Variants in DNAH5 observed in about 807,000 individuals in gnomAD.
The protein encoded by DNAH5 is dynein axonemal heavy chain 5.
DNAH5 carries 372 observed loss-of-function variants against 518.2 expected under a neutral mutation model. The observed-to-expected ratio is 0.72, with a 90% CI of 0.66 to 0.78. DNAH5 has a LOEUF of 0.78. Ranked by LOEUF, DNAH5 falls within the 30% of genes least tolerant of loss-of-function variation. The pLI is 0.00. For synonymous variants in DNAH5, 2,039 were observed against 2,025.9 expected (o/e 1.01, Z -0.17); for missense variants, 5,523 against 5,687.0 (o/e 0.97, Z 0.93).
chr5:13,728,565 G>C (rs898857837), intron 69 of DNAH5, among the ~76,000 whole-genome samples: 2 of 152,118 alleles, frequency 1.3e-5, no homozygotes, highest in South Asian at 4.1e-4. Context: ...AAGGCCACTG[G>C]GGGTAATCCT....
intron 46 of DNAH5, 42 bp downstream of exon 46, chr5:13,809,002 C>G: frequency 6.2e-7 from 1 of 1,606,816 alleles, no homozygotes; most frequent in Non-Finnish European, 8.5e-7. Flanking sequence ...TTCATGTCTC[C>G]CCTTAAAATA....
At chr5:13,951,682 C>T (rs1421967302) in intron 1 of DNAH5, among the ~76,000 whole-genome samples, 1 of 152,150 alleles carries the variant, frequency 6.6e-6, no homozygotes, top group Non-Finnish European at 1.5e-5. Flanking sequence ...AGCCTGCACC[C>T]TCCTGTGCTT....
At chr5:14,008,964 G>T (rs1784924151) in intron 1 of DNAH5, among the ~76,000 whole-genome samples, 1 of 152,214 alleles carries the variant, frequency 6.6e-6, no homozygotes, top group African/African-American at 2.4e-5. Flanking sequence ...GCAAGGACAG[G>T]ACAAACTGAT....
chr5:13,978,419 G>C (rs1782433147), intron 1 of DNAH5, among the ~76,000 whole-genome samples: 1 of 152,228 alleles, frequency 6.6e-6, no homozygotes, highest in Admixed American at 6.5e-5. Flanking sequence ...CCATGGAAGA[G>C]AGAATTCCAC....
intron 24 of DNAH5, 70 bp from the exon 25 acceptor site, chr5:13,868,062 AATG>A (rs1769545202): frequency 7.1e-6 from 8 of 1,128,220 alleles, no homozygotes; most frequent in Non-Finnish European, 1.1e-5. Context: ...CCATTTATTA[AATG>A]ATAAGAATGG....
intron 51 of DNAH5, among the ~76,000 whole-genome samples, chr5:13,787,344 G>A (rs150087972): frequency 2.9e-4 from 44 of 152,278 alleles, no homozygotes; most frequent in African/African-American, 1.0e-3. Flanking sequence ...CACTGGGTAC[G>A]AGAAGAATGA....
intron 1 of DNAH5, among the ~76,000 whole-genome samples, chr5:13,984,836 T>C (rs56759328): frequency 0.046 from 6,953 of 152,282 alleles, 315 homozygotes; most frequent in East Asian, 0.12. Flanking sequence ...GGTGGGACTG[T>C]AAACTAGTTC....
At chr5:13,706,353 T>C (rs1013196327) in intron 76 of DNAH5, among the ~76,000 whole-genome samples, 2 of 152,200 alleles carry the variant, frequency 1.3e-5, no homozygotes, top group African/African-American at 2.4e-5. Context: ...GAGCAGGACA[T>C]TGGGAGTGAT....
At chr5:13,779,742 C>A (rs1458562674) in intron 53 of DNAH5, among the ~76,000 whole-genome samples, 1 of 152,154 alleles carries the variant, frequency 6.6e-6, no homozygotes, top group East Asian at 1.9e-4. Flanking sequence ...GCAGCACCAT[C>A]TAGATAGTTT....
rs1763508784 is a variant in DNAH5 at position 13,830,460 on chromosome 5, C to A, written c.6061+137G>T. On this transcript the variant is annotated intron_variant, in intron 36 of 78. Coordinates refer to ENST00000265104, the MANE Select transcript of DNAH5 (RefSeq NM_001369.3). ...GTAACATTTGGTCCACACAACCTGGCAAGATTGAAGATTTTCCAAAAAATT... is the reference window on the plus strand; with the variant it reads ...GTAACATTTGGTCCACACAACCTGGAAAGATTGAAGATTTTCCAAAAAATT... The A allele has an allele frequency of 6.5e-6, 7 of 1,074,458 alleles. No individual in the cohort carries two copies. In the Admixed American group the frequency reaches 1.4e-4, roughly 22 times the overall value. 66.6% of individuals were successfully genotyped at this position (1,074,458 alleles called of 1,614,324 possible). A position where few individuals can be genotyped will look rare whatever the true frequency, so the allele number is the denominator to read the frequency against.
At chr5:13,928,214 A>T in intron 2 of DNAH5, 36 bp from the exon 3 acceptor site, 1 of 1,528,100 alleles carries the variant, frequency 6.5e-7, no homozygotes. Flanking sequence ...ATGATTTTCA[A>T]TCCAAATTAG....
rs774020682 is a variant in DNAH5 at position 13,841,894 on chromosome 5, C to T, written c.5282G>A (p.Arg1761Gln). ...SVKFHEKIYD[R>Q]ILSISSQEGE... ...CTCTTGAGAGGAAATTGACAGAATTCGATCATAGATCTATGTTAGAAACCA... is the reference window on the plus strand; with the variant it reads ...CTCTTGAGAGGAAATTGACAGAATTTGATCATAGATCTATGTTAGAAACCA... Residue 1761 changes from arginine (R) to glutamine (Q), a missense_variant, in exon 33 of 79, where the codon CGA becomes CAA. Physicochemically the swap from Arg to Gln is conservative, Grantham distance 43. Around this residue, in one of 3 missense-constraint regions of DNAH5, gnomAD observed 5,121 missense variants for 5,223.3 expected, o/e 0.98. Transcript: ENST00000265104. 19 of 1,218,154 alleles carry T rather than the reference C, an allele frequency of 1.6e-5. No homozygotes were observed. The highest frequency in any genetic ancestry group is 6.0e-5 in the Admixed American group (3 of 49,718). The allele number at this position is 1,218,154 out of a possible 1,614,324, so 75.5% of individuals were successfully genotyped here.
intron 1 of DNAH5, among the ~76,000 whole-genome samples, chr5:14,004,774 C>T (rs377447694): frequency 2.6e-5 from 4 of 152,304 alleles, no homozygotes; most frequent in East Asian, 3.9e-4. Flanking sequence ...GGTTATGCTG[C>T]TCATTAGCTG....
Position 13,754,232 on chromosome 5 carries a change from T to C in DNAH5, c.10526A>G (p.Glu3509Gly). 6.2e-7 allele frequency: 1 copy of C among 1,614,106 alleles called. No individual in the cohort carries two copies. Among genetic ancestry groups the C allele is most frequent in the Non-Finnish European group, 8.5e-7 (1 of 1,179,982 alleles). ...EKERWTEQSQ[E>G]FAAQTKRLVG... Reference sequence around the variant, plus strand: ...AAGTCTTTTAGTTTGTGCAGCAAACTCTTGGCTTTGCTCTGTCCATCTTTC... The same window carrying C: ...AAGTCTTTTAGTTTGTGCAGCAAACCCTTGGCTTTGCTCTGTCCATCTTTC... The change falls in exon 62 of 79, where the codon GAG becomes GGG. Residue 3509 changes from glutamate to glycine, a missense_variant. By Grantham distance (98) the Glu-to-Gly change is moderately conservative. Transcript: ENST00000265104.
intron 59 of DNAH5, among the ~76,000 whole-genome samples, chr5:13,763,801 A>G (rs1752109016): frequency 1.3e-5 from 2 of 152,236 alleles, no homozygotes; most frequent in South Asian, 4.1e-4. Context: ...GAGCAACAGA[A>G]GGTCAGTGGT....
At position 13,922,346 on chromosome 5, in the gene DNAH5, G is replaced by T. The variant is rs778118682; in HGVS notation, c.439-18C>A. The T allele has an allele frequency of 6.2e-7, 1 of 1,603,480 alleles. No individual in the cohort carries two copies. Among genetic ancestry groups the T allele is most frequent in the South Asian group, 1.1e-5 (1 of 90,040 alleles). On this transcript the variant is annotated intron_variant, in intron 4 of 78. Transcript: ENST00000265104. The stretch of plus-strand genomic sequence containing the variant: ...CTCACCTCCTGGAAAACAGGCAGGA[G>T]ATCTTTTATTGTAAAAATCATCCTC...
rs751964270 is a variant in DNAH5 at position 13,716,534 on chromosome 5, T to C, written c.12862A>G (p.Asn4288Asp). Residue 4288 changes from asparagine (N) to aspartate (D), a missense_variant, in exon 74 of 79, where the codon AAT becomes GAT. Physicochemically the swap from Asn to Asp is conservative, Grantham distance 23. Transcript: ENST00000265104. ...TCCACTGTGCTGCATTTTGGAATATTGTATCCTTGGTAAAAACTGAAATCT... is the reference window on the plus strand; with the variant it reads ...TCCACTGTGCTGCATTTTGGAATATCGTATCCTTGGTAAAAACTGAAATCT... ...GPDFSFYQGYNIPKCSTVDNY... is the reference protein window; with the variant it reads ...GPDFSFYQGYDIPKCSTVDNY... The C allele has an allele frequency of 2.5e-6, 4 of 1,613,866 alleles. No individual in the cohort carries two copies. In the African/African-American group the frequency reaches 5.3e-5, roughly 22 times the overall value.
intron 3 of DNAH5, 56 bp downstream of exon 3, chr5:13,928,038 C>A: frequency 6.9e-7 from 1 of 1,452,628 alleles, no homozygotes. Context: ...CTTCAAGCTA[C>A]CCTCAGATAA....
intron 18 of DNAH5, 135 bp from the exon 19 acceptor site, chr5:13,885,363 T>A: frequency 9.1e-7 from 1 of 1,101,586 alleles, no homozygotes; most frequent in Non-Finnish European, 1.3e-6. Context: ...TAGTATCACT[T>A]AAACATCACA....
Sources: gnomAD v4.1 joint callset for allele counts (sites outside exome capture counted in the v4.1 genomes callset) on GRCh38, gnomAD v4.1.1 for gene constraint, gnomAD v4.1.1 regional missense constraint, MANE v1.5 for transcripts, NCBI Gene and HGNC (gene_info 2026-07-23, HGNC 2026-07-21) for gene names.